Variants in DPP10 observed in about 807,000 individuals in gnomAD.
DPP10 encodes the protein dipeptidyl peptidase like 10.
In DPP10, 33 loss-of-function variants were observed where a neutral mutation model predicts 120.9. That is an observed-to-expected ratio of 0.27 (90% CI 0.21 to 0.37). The LOEUF is 0.37. Ranked by LOEUF, DPP10 falls within the 10% of genes least tolerant of loss-of-function variation. The probability of loss-of-function intolerance (pLI) is 1.00; values close to 1 mark genes in which losing one functional copy is unlikely to be tolerated. For synonymous variants in DPP10, 337 were observed against 326.1 expected (o/e 1.03, Z -0.36); for missense variants, 816 against 942.8 (o/e 0.87, Z 1.76).
intron 1 of DPP10, among the ~76,000 whole-genome samples, chr2:114,953,858 AATACTG>A (rs1697984287): frequency 6.6e-6 from 1 of 152,110 alleles, no homozygotes; most frequent in Admixed American, 6.5e-5. Context: ...GTTTATAATA[AATACTG>A]TGATTAGTGT....
intron 1 of DPP10, among the ~76,000 whole-genome samples, chr2:115,125,975 G>A (rs774281469): frequency 6.6e-6 from 1 of 152,094 alleles, no homozygotes; most frequent in African/African-American, 2.4e-5. Context: ...AATTGAGATC[G>A]TGTATATATT....
At chr2:115,394,873 CTAAGAA>C (rs530348379) in intron 3 of DPP10, among the ~76,000 whole-genome samples, 264 of 152,174 alleles carry the variant, frequency 1.7e-3, no homozygotes, top group African/African-American at 6.0e-3. Context: ...GAATTCCTCA[CTAAGAA>C]TAATTCTCGA....
chr2:115,213,858 C>G (rs1246169335), intron 1 of DPP10, among the ~76,000 whole-genome samples: 1 of 152,050 alleles, frequency 6.6e-6, no homozygotes, highest in Non-Finnish European at 1.5e-5. Context: ...CTACTACAAT[C>G]AGTAGATTTT....
At chr2:115,636,415 A>G (rs904235268) in intron 5 of DPP10, among the ~76,000 whole-genome samples, 1 of 152,158 alleles carries the variant, frequency 6.6e-6, no homozygotes, top group Non-Finnish European at 1.5e-5. Flanking sequence ...ATGTTGTATA[A>G]TTTTATTAAA....
chr2:115,780,970 T>A lies in DPP10; in HGVS notation c.1458T>A (p.Asn486Lys), dbSNP rs773354087. The A allele has an allele frequency of 6.3e-7, 1 of 1,591,556 alleles. No individual in the cohort carries two copies. Among genetic ancestry groups the A allele is most frequent in the Non-Finnish European group, 8.6e-7 (1 of 1,164,016 alleles). The change falls in exon 16 of 26, where the codon AAT (asparagine) becomes AAA (lysine). Residue 486 changes from asparagine to lysine, a missense_variant. Physicochemically the swap from Asn to Lys is moderately conservative, Grantham distance 94. Around this residue, in one of 3 missense-constraint regions of DPP10, gnomAD observed 592 missense variants for 649.0 expected, o/e 0.91. Transcript: ENST00000410059. ...TTGATGCCAGTTTTAGTCCCATGAA[T>A]CAACATTTCTTATTATTCTGTGAAG... ...TYFDASFSPMNQHFLLFCEGP... is the reference protein window; with the variant it reads ...TYFDASFSPMKQHFLLFCEGP...
intron 1 of DPP10, among the ~76,000 whole-genome samples, chr2:115,061,162 T>C (rs1160907050): frequency 6.6e-6 from 1 of 152,204 alleles, no homozygotes; most frequent in African/African-American, 2.4e-5. Context: ...AAAATCATCA[T>C]TTCATCCCAT....
intron 1 of DPP10, among the ~76,000 whole-genome samples, chr2:114,947,269 A>G (rs1317822085): frequency 6.6e-6 from 1 of 152,030 alleles, no homozygotes; most frequent in Non-Finnish European, 1.5e-5. Flanking sequence ...TCAAAATATA[A>G]TGTCCACTTT....
At chr2:115,260,347 G>T (rs1015561883) in intron 1 of DPP10, among the ~76,000 whole-genome samples, 18 of 152,006 alleles carry the variant, frequency 1.2e-4, no homozygotes, top group African/African-American at 3.6e-4. Flanking sequence ...TTTCTTTCAT[G>T]GCATGAAAGT....
chr2:114,988,884 T>C (rs571561710), intron 1 of DPP10, among the ~76,000 whole-genome samples: 5 of 152,226 alleles, frequency 3.3e-5, no homozygotes, highest in African/African-American at 1.2e-4. Flanking sequence ...CAATGGCAAG[T>C]AAACCTCATT....
chr2:115,691,830 T>C (rs2091334526), intron 7 of DPP10, among the ~76,000 whole-genome samples: 1 of 152,204 alleles, frequency 6.6e-6, no homozygotes, highest in Non-Finnish European at 1.5e-5. Flanking sequence ...TATTTAAGAC[T>C]CTTAATATCT....
chr2:115,221,905 C>G (rs1354943641), intron 1 of DPP10, among the ~76,000 whole-genome samples: 1 of 152,000 alleles, frequency 6.6e-6, no homozygotes, highest in Non-Finnish European at 1.5e-5. Flanking sequence ...AAAGGATTGC[C>G]TGAACTGTTC....
At chr2:115,727,053 G>A (rs1024805221) in intron 7 of DPP10, among the ~76,000 whole-genome samples, 4 of 152,040 alleles carry the variant, frequency 2.6e-5, no homozygotes, top group Admixed American at 1.3e-4. Context: ...ATTGTAAAGC[G>A]AATTATAAAT....
chr2:115,133,996 C>G (rs1338074902), intron 1 of DPP10, among the ~76,000 whole-genome samples: 2 of 152,112 alleles, frequency 1.3e-5, no homozygotes, highest in Non-Finnish European at 2.9e-5. Context: ...TTATGATGAA[C>G]TTCTAAAGGA....
intron 12 of DPP10, among the ~76,000 whole-genome samples, chr2:115,764,799 G>C (rs556307211): frequency 2.6e-5 from 4 of 151,888 alleles, no homozygotes; most frequent in Non-Finnish European, 5.9e-5. Context: ...GAAATACTTA[G>C]AGTTATATGA....
intron 1 of DPP10, among the ~76,000 whole-genome samples, chr2:115,217,778 C>G (rs1191483241): frequency 6.6e-6 from 1 of 152,134 alleles, no homozygotes; most frequent in Non-Finnish European, 1.5e-5. Flanking sequence ...ACTGCTGATT[C>G]ACATCTTTTT....
At chr2:115,225,321 A>G (rs1275697293) in intron 1 of DPP10, among the ~76,000 whole-genome samples, 1 of 152,096 alleles carries the variant, frequency 6.6e-6, no homozygotes, top group East Asian at 1.9e-4. Context: ...GGTACTCCAT[A>G]ATGGACCTGC....
intron 1 of DPP10, among the ~76,000 whole-genome samples, chr2:115,025,436 G>A (rs1703390139): frequency 6.6e-6 from 1 of 151,588 alleles, no homozygotes; most frequent in Admixed American, 6.6e-5. Context: ...CCTTTTTTTG[G>A]CTGTTGTGAA....
At chr2:115,657,392 C>A (rs1314255616) in intron 5 of DPP10, among the ~76,000 whole-genome samples, 3 of 151,678 alleles carry the variant, frequency 2.0e-5, no homozygotes, top group Non-Finnish European at 4.4e-5. Context: ...ACTCTGCAAT[C>A]GACAAAAATA....
chr2:115,825,260 C>T (rs754562418), intron 21 of DPP10, among the ~76,000 whole-genome samples: 12 of 152,180 alleles, frequency 7.9e-5, no homozygotes, highest in Non-Finnish European at 1.8e-4. Context: ...TCTAAGCCTA[C>T]ATATTGCTTT....
Sources: allele counts gnomAD v4.1 joint callset (sites outside exome capture counted in the v4.1 genomes callset), GRCh38; gene constraint gnomAD v4.1.1; regional missense constraint gnomAD v4.1.1; transcripts MANE v1.5; gene names NCBI Gene and HGNC (gene_info 2026-07-23, HGNC 2026-07-21).